MARCHF10: variants seen among roughly 807,000 people sequenced by gnomAD.
The protein encoded by MARCHF10 is probable E3 ubiquitin-protein ligase MARCHF10.
In MARCHF10, 64 loss-of-function variants were observed where a neutral mutation model predicts 76.2. The ratio of observed to expected loss-of-function variants is 0.84; its 90% confidence interval spans 0.69 to 1.03. MARCHF10 has a LOEUF of 1.03. MARCHF10 is among the 50% of genes least tolerant of loss of function. MARCHF10 has a pLI of 0.00. For synonymous variants in MARCHF10, 340 were observed against 357.5 expected (o/e 0.95, Z 0.55); for missense variants, 875 against 958.0 (o/e 0.91, Z 1.14).
chr17:62,730,886 C>G (rs929988237), intron 6 of MARCHF10, among the ~76,000 whole-genome samples: 6 of 145,724 alleles, frequency 4.1e-5, no homozygotes, highest in Non-Finnish European at 7.6e-5. Flanking sequence ...GAGCGAGACT[C>G]CATCTCAACA....
intron 3 of MARCHF10, among the ~76,000 whole-genome samples, chr17:62,782,345 CTT>C (rs10676023): frequency 2.8e-5 from 3 of 107,022 alleles, no homozygotes; most frequent in Admixed American, 1.1e-4. Flanking sequence ...AACAACTGTT[CTT>C]TTTTTTTTTT....
At chr17:62,723,772 G>A (rs998046657) in intron 7 of MARCHF10, among the ~76,000 whole-genome samples, 8 of 152,086 alleles carry the variant, frequency 5.3e-5, no homozygotes, top group Admixed American at 5.3e-4. Context: ...TTGCATGGCA[G>A]AGTCGTTAGC....
rs571258610 is a variant in MARCHF10, at chr17:62,749,793, G to C, written c.383-5265C>G. Among the ~76,000 whole-genome samples, 13 of 152,336 alleles carry C rather than the reference G, an allele frequency of 8.5e-5. No individual in the cohort carries two copies. In the East Asian group the frequency reaches 2.3e-3, roughly 27 times the overall value. ...CCCTCCTCCGAGTGGTTCTGAATGG[G>C]TTTTGGTTCCAGTGTGTGCCTTCAG... On this transcript the variant is annotated intron_variant, in intron 4 of 10. Transcript: ENST00000311269.
intron 2 of MARCHF10, among the ~76,000 whole-genome samples, chr17:62,796,334 T>C (rs1230532288): frequency 1.3e-5 from 2 of 152,204 alleles, no homozygotes; most frequent in Non-Finnish European, 2.9e-5. Context: ...TTAAATTCTT[T>C]CTGGAACCAG....
intron 6 of MARCHF10, among the ~76,000 whole-genome samples, chr17:62,734,891 T>G (rs2091195715): frequency 6.6e-6 from 1 of 152,184 alleles, no homozygotes; most frequent in African/African-American, 2.4e-5. Flanking sequence ...TGGTAGAAAT[T>G]TAGACTTCTG....
intron 4 of MARCHF10, among the ~76,000 whole-genome samples, chr17:62,745,160 G>A (rs144763369): frequency 1.5e-3 from 221 of 150,672 alleles, no homozygotes; most frequent in African/African-American, 5.2e-3. Flanking sequence ...GTGGAGTGCA[G>A]TGGCATGATC....
intron 2 of MARCHF10, among the ~76,000 whole-genome samples, chr17:62,790,778 T>C (rs922310294): frequency 2.6e-5 from 4 of 152,208 alleles, no homozygotes; most frequent in Admixed American, 6.5e-5. Flanking sequence ...AGAATAGAAA[T>C]GACCCGATAC....
At chr17:62,730,284 C>T (rs372193974) in intron 6 of MARCHF10, among the ~76,000 whole-genome samples, 9 of 152,104 alleles carry the variant, frequency 5.9e-5, no homozygotes, top group African/African-American at 1.7e-4. Context: ...GAGCATTTCA[C>T]GCAGTGAAAG....
chr17:62,728,426 G>A (rs190654694), intron 6 of MARCHF10, among the ~76,000 whole-genome samples: 4 of 152,266 alleles, frequency 2.6e-5, no homozygotes, highest in Admixed American at 6.5e-5. Context: ...CACAATTGCC[G>A]GGGACAGCGT....
At chr17:62,725,803 T>C (rs967955210) in intron 6 of MARCHF10, among the ~76,000 whole-genome samples, 3 of 152,214 alleles carry the variant, frequency 2.0e-5, no homozygotes, top group African/African-American at 7.2e-5. Flanking sequence ...CCTCTGAAAC[T>C]TGTGAGTTGT....
chr17:62,727,391 G>A (rs2090811579), intron 6 of MARCHF10, among the ~76,000 whole-genome samples: 2 of 152,080 alleles, frequency 1.3e-5, no homozygotes, highest in African/African-American at 2.4e-5. Flanking sequence ...GAGTCTGGCC[G>A]GGTGCAGTGG....
rs532377951 is a variant in MARCHF10, at chr17:62,801,657, A to G, written c.79T>C (p.Ser27Pro). 1 of 1,614,042 alleles carries G rather than the reference A, an allele frequency of 6.2e-7. No individual in the cohort carries two copies. Among genetic ancestry groups the G allele is most frequent in the African/African-American group, 1.3e-5 (1 of 75,036 alleles). ...YLRDMQHKVD[S>P]EYQACLRRQE... The stretch of plus-strand genomic sequence containing the variant: ...CTTTCTGCAATTACCTGATACTCAG[A>G]GTCCACCTTATGCTGCATGTCCCGC... The change falls in exon 2 of 11, where the codon TCT becomes CCT. Residue 27 changes from serine (S) to proline (P), a missense_variant. Coordinates refer to ENST00000311269, the MANE Select transcript of MARCHF10 (RefSeq NM_152598.4).
intron 2 of MARCHF10, among the ~76,000 whole-genome samples, chr17:62,788,888 C>T (rs149581325): frequency 0.028 from 4,131 of 147,764 alleles, 68 homozygotes; most frequent in East Asian, 0.059. Flanking sequence ...AAGGTGAAAC[C>T]CCGTCTCTAC....
At chr17:62,745,996 C>T (rs1469485699) in intron 4 of MARCHF10, among the ~76,000 whole-genome samples, 1 of 152,158 alleles carries the variant, frequency 6.6e-6, no homozygotes, top group Non-Finnish European at 1.5e-5. Context: ...GGGATAAAGC[C>T]GGGGAAAGCC....
chr17:62,794,969 C>T (rs986194981), intron 2 of MARCHF10: 11 of 969,968 alleles, frequency 1.1e-5, no homozygotes. Flanking sequence ...GTATTCCCCT[C>T]CAGCTAGTTT....
chr17:62,747,930 A>C (rs1216177215), intron 4 of MARCHF10, among the ~76,000 whole-genome samples: 1 of 152,240 alleles, frequency 6.6e-6, no homozygotes, highest in African/African-American at 2.4e-5. Context: ...ATGTTGCCTC[A>C]TGACCTTAAA....
intron 2 of MARCHF10, among the ~76,000 whole-genome samples, chr17:62,790,207 G>C (rs2092819193): frequency 6.6e-6 from 1 of 151,556 alleles, no homozygotes; most frequent in Non-Finnish European, 1.5e-5. Flanking sequence ...ATGGAGTCTC[G>C]CTCTGTCACC....
chr17:62,718,561 A>T (rs376893166), intron 8 of MARCHF10, among the ~76,000 whole-genome samples: 3 of 152,318 alleles, frequency 2.0e-5, no homozygotes, highest in East Asian at 3.9e-4. Context: ...CCTCACGTGG[A>T]CACGTCCTCC....
At chr17:62,730,134 C>T (rs1398970995) in intron 6 of MARCHF10, among the ~76,000 whole-genome samples, 2 of 114,954 alleles carry the variant, frequency 1.7e-5, no homozygotes, top group South Asian at 3.0e-4. Flanking sequence ...TGCAGTGAGC[C>T]GAGATTGCAC....
Sources: gnomAD v4.1 joint callset for allele counts (sites outside exome capture counted in the v4.1 genomes callset) on GRCh38, gnomAD v4.1.1 for gene constraint, MANE v1.5 for transcripts, NCBI Gene and HGNC (gene_info 2026-07-23, HGNC 2026-07-21) for gene names.